Variants in TNIK observed in about 807,000 individuals in gnomAD.
The protein encoded by TNIK is TRAF2 and NCK interacting kinase, also known as TRAF2 and NCK-interacting protein kinase.
Under a neutral mutation model 191.3 loss-of-function variants are expected in TNIK, and 49 were observed. That is an observed-to-expected ratio of 0.26 (90% CI 0.20 to 0.32). The LOEUF (loss-of-function observed/expected upper bound fraction) is 0.32. Ranked by LOEUF, TNIK falls within the 10% of genes least tolerant of loss-of-function variation. TNIK has a pLI of 1.00. For missense variants in TNIK, 1,155 were observed against 1,702.3 expected, an observed-to-expected ratio of 0.68 and a Z score of 5.66; for synonymous variants, 594 against 600.9, an observed-to-expected ratio of 0.99 and a Z score of 0.17.
chr3:171,340,737 C>T (rs915592023), intron 2 of TNIK, among the ~76,000 whole-genome samples: 4 of 152,096 alleles, frequency 2.6e-5, no homozygotes, highest in African/African-American at 9.7e-5. Context: ...TTGAAGTGTA[C>T]CGAATTGATT....
At position 171,258,844 on chromosome 3, in the gene TNIK, A is replaced by G. The variant is rs140455360; in HGVS notation, c.124-30623T>C. ...AAGACAATTCAATGATGATAATCTC[A>G]TTATAATCCCAGTAACCAATTTAAT... On this transcript the variant is annotated intron_variant, in intron 2 of 32. Coordinates refer to ENST00000436636, the MANE Select transcript of TNIK (RefSeq NM_015028.4). 1.8e-4 allele frequency among the ~76,000 whole-genome samples: 28 copies of G among 152,310 alleles called. No individual in the cohort carries two copies. In the South Asian group the frequency reaches 2.1e-3, roughly 11 times the overall value.
At chr3:171,066,453 A>G in intron 31 of TNIK, 123 bp downstream of exon 31, 1 of 1,550,930 alleles carries the variant, frequency 6.4e-7, no homozygotes, top group Non-Finnish European at 8.8e-7. Flanking sequence ...AAGTCTTACA[A>G]GAGTTATTCA....
intron 10 of TNIK, among the ~76,000 whole-genome samples, chr3:171,161,793 G>T (rs1295337478): frequency 6.6e-6 from 1 of 151,960 alleles, no homozygotes; most frequent in Non-Finnish European, 1.5e-5. Context: ...GGTGGCGGGT[G>T]CCTGTAGTCC....
chr3:171,225,672 CTG>C (rs1350555344), intron 3 of TNIK: 2 of 454,774 alleles, frequency 4.4e-6, no homozygotes, highest in African/African-American at 4.0e-5. Context: ...GGAAAAATAA[CTG>C]TGTAACTTTT....
chr3:171,117,681 T>G (rs1174768454), intron 18 of TNIK, among the ~76,000 whole-genome samples: 1 of 152,068 alleles, frequency 6.6e-6, no homozygotes, highest in Non-Finnish European at 1.5e-5. Flanking sequence ...GTTAAAAATA[T>G]GTTCTCTGGC....
Position 171,194,621 on chromosome 3 carries a change from A to G in TNIK, c.321T>C (p.Phe107=). The G allele has an allele frequency of 1.2e-6, 2 of 1,613,730 alleles. No individual in the cohort carries two copies. Among genetic ancestry groups the G allele is most frequent in the South Asian group, 2.2e-5 (2 of 91,044 alleles). The change falls in exon 5 of 33, where the codon TTT becomes TTC. Residue 107 remains phenylalanine, a synonymous_variant. Transcript: ENST00000436636. ...MDDQLWLVME[F]CGAGSVTDLI... ...GGTCGGTGACAGAGCCAGCACCACA[A>G]AACTCCATCACCAACTGGCAAAGGA...
intron 2 of TNIK, among the ~76,000 whole-genome samples, chr3:171,230,623 T>C (rs1052112375): frequency 1.3e-5 from 2 of 152,176 alleles, no homozygotes; most frequent in African/African-American, 4.8e-5. Flanking sequence ...GCCTCTCAGA[T>C]GGTATGTTTT....
rs1056985992 is a variant in TNIK at position 171,252,081 on chromosome 3, C to CGTGTGT, written c.124-23866_124-23861dup. 4.7e-5 allele frequency among the ~76,000 whole-genome samples: 7 copies of CGTGTGT among 150,348 alleles called. No homozygotes were observed. In the East Asian group the frequency reaches 1.4e-3, roughly 29 times the overall value. ...TGGTATGCGTGTGTGTGTGTGTGTG[C>CGTGTGT]GTGTGTGTGTGTCATATCTCTTTAC... On this transcript the variant is annotated intron_variant, in intron 2 of 32. Coordinates refer to ENST00000436636, the MANE Select transcript of TNIK (RefSeq NM_015028.4).
intron 3 of TNIK, among the ~76,000 whole-genome samples, chr3:171,212,820 T>C (rs1198882318): frequency 6.6e-6 from 1 of 151,558 alleles, no homozygotes; most frequent in Non-Finnish European, 1.5e-5. Flanking sequence ...AAGAATAGAG[T>C]GAGGAGAATA....
chr3:171,160,398 C>T (rs904863291), intron 11 of TNIK, among the ~76,000 whole-genome samples: 2 of 151,906 alleles, frequency 1.3e-5, no homozygotes, highest in African/African-American at 4.8e-5. Flanking sequence ...GAAAGCTCTC[C>T]CTCAGTGGTA....
intron 17 of TNIK, among the ~76,000 whole-genome samples, chr3:171,125,626 CA>C (rs1298429824): frequency 1.3e-5 from 2 of 152,158 alleles, no homozygotes; most frequent in African/African-American, 4.8e-5. Flanking sequence ...ATATGGATAG[CA>C]AAATGACAGT....
At chr3:171,412,156 T>C (rs1367142554) in intron 1 of TNIK, among the ~76,000 whole-genome samples, 1 of 152,194 alleles carries the variant, frequency 6.6e-6, no homozygotes, top group Non-Finnish European at 1.5e-5. Context: ...AGTTCGTCCC[T>C]GTTCAAGAGA....
intron 2 of TNIK, among the ~76,000 whole-genome samples, chr3:171,312,260 T>G (rs1358610906): frequency 6.6e-6 from 1 of 151,570 alleles, no homozygotes; most frequent in Non-Finnish European, 1.5e-5. Context: ...TATCTCTGGA[T>G]AGTGAGATGA....
chr3:171,404,121 A>G (rs754193214), intron 1 of TNIK, among the ~76,000 whole-genome samples: 7 of 152,342 alleles, frequency 4.6e-5, no homozygotes, highest in Middle Eastern at 6.8e-3. Context: ...AGTATAACCC[A>G]TATAAGTGTA....
chr3:171,414,556 A>G (rs1309047567), intron 1 of TNIK, among the ~76,000 whole-genome samples: 2 of 152,208 alleles, frequency 1.3e-5, no homozygotes, highest in Non-Finnish European at 2.9e-5. Context: ...TCAGATAACC[A>G]GGGGGTTTAT....
intron 32 of TNIK, 38 bp from the exon 33 acceptor site, chr3:171,064,002 G>A: frequency 1.3e-6 from 2 of 1,586,380 alleles, no homozygotes; most frequent in Middle Eastern, 1.7e-4. Context: ...CAACTGCATG[G>A]TCTTTTCCCC....
intron 3 of TNIK, among the ~76,000 whole-genome samples, chr3:171,226,901 G>C (rs1743027878): frequency 5.3e-5 from 8 of 152,020 alleles, no homozygotes; most frequent in Admixed American, 5.2e-4. Flanking sequence ...AAAGGTATGG[G>C]TTGAAGTTTG....
intron 2 of TNIK, among the ~76,000 whole-genome samples, chr3:171,235,778 GT>G (rs375895420): frequency 1.6e-4 from 24 of 147,178 alleles, no homozygotes; most frequent in African/African-American, 5.2e-4. Context: ...TGGGGGGGGG[GT>G]TTATAGAGTG....
chr3:171,428,476 G>A (rs1052413793), intron 1 of TNIK, among the ~76,000 whole-genome samples: 9 of 151,550 alleles, frequency 5.9e-5, no homozygotes, highest in African/African-American at 1.2e-4. Context: ...GTGGTCAACC[G>A]ACCAAAGGTC....
Sources: allele counts gnomAD v4.1 joint callset (sites outside exome capture counted in the v4.1 genomes callset), GRCh38; gene constraint gnomAD v4.1.1; transcripts MANE v1.5; gene names NCBI Gene and HGNC (gene_info 2026-07-23, HGNC 2026-07-21).